Variants in FBXO5 observed in about 807,000 individuals in gnomAD.
FBXO5 encodes the protein F-box protein 5, also known as F-box only protein 5.
A neutral mutation model predicts 43.3 loss-of-function variants in FBXO5; 8 were observed. The ratio of observed to expected loss-of-function variants is 0.18; its 90% CI spans 0.11 to 0.33. FBXO5 has a LOEUF of 0.33. FBXO5 is among the 10% of genes least tolerant of loss of function. The pLI is 1.00. For synonymous variants in FBXO5, 204 were observed against 193.7 expected, an observed-to-expected ratio of 1.05 and a Z score of -0.44; for missense variants, 491 against 535.7, an observed-to-expected ratio of 0.92 and a Z score of 0.82.
At chr6:152,972,775 G>A in intron 3 of FBXO5, 2 of 490,698 alleles carry the variant, frequency 4.1e-6, no homozygotes, top group Admixed American at 3.4e-5. Flanking sequence ...CACACAACTG[G>A]CAACTAAGAT....
intron 1 of FBXO5, 115 bp downstream of exon 1, chr6:152,982,742 G>A (rs1778282443): frequency 3.0e-6 from 2 of 673,670 alleles, no homozygotes; most frequent in Non-Finnish European, 4.5e-6. Context: ...CGGGCGTGTG[G>A]CATGGCCGCG....
At chr6:152,979,838 G>A (rs1247946120) in intron 1 of FBXO5, among the ~76,000 whole-genome samples, 3 of 152,122 alleles carry the variant, frequency 2.0e-5, no homozygotes, top group East Asian at 1.9e-4. Context: ...ACTACAAGAT[G>A]CTCTAAGTGC....
At chr6:152,973,219 G>A (rs939988184) in intron 2 of FBXO5, 83 bp from the exon 3 acceptor site, 3 of 1,076,126 alleles carry the variant, frequency 2.8e-6, no homozygotes, top group African/African-American at 3.2e-5. Context: ...CATCAGCAGT[G>A]CAAAAAGATA....
Position 152,971,476 on chromosome 6 carries a change from T to TA in FBXO5, c.1093-63dup. The TA allele has an allele frequency of 2.6e-6, 4 of 1,521,068 alleles. No individual in the cohort carries two copies. In the South Asian group the frequency reaches 5.2e-5, roughly 20 times the overall value. The allele number at this position is 1,521,068 out of a possible 1,614,324, so 94.2% of individuals were successfully genotyped here. On this transcript the variant is annotated intron_variant, in intron 4 of 4. Coordinates refer to ENST00000229758, the MANE Select transcript of FBXO5 (RefSeq NM_012177.5). Reference sequence around the variant, plus strand: ...CAAGAATTACATGTACTTTAGTTAATAAAACCAAGGACACCCTTGCACCTT... The same window carrying TA: ...CAAGAATTACATGTACTTTAGTTAATAAAAACCAAGGACACCCTTGCACCTT...
In FBXO5 at chr6:152,974,895, A is replaced by C. The variant is rs780836670; in HGVS notation, c.818+12T>G. On this transcript the variant is annotated intron_variant, in intron 2 of 4. Transcript: ENST00000229758. ...GTATTATGCTAATATGTATATTCAAAACAGTACTTACTTGATTAAGTCCAT... is the reference window on the plus strand; with the variant it reads ...GTATTATGCTAATATGTATATTCAACACAGTACTTACTTGATTAAGTCCAT... 1 of 1,564,738 alleles carries C rather than the reference A, an allele frequency of 6.4e-7. No individual in the cohort carries two copies.
chr6:152,980,665 G>T (rs1778246681), intron 1 of FBXO5, among the ~76,000 whole-genome samples: 1 of 152,196 alleles, frequency 6.6e-6, no homozygotes. Context: ...AAGGATTGTA[G>T]TGGAAATGAA....
At position 152,970,917 on chromosome 6, in the gene FBXO5, T is replaced by C. The variant is rs1167362893; in HGVS notation, c.*246A>G. ...TTTACCCTCAGTATCACTATCTACTTTTCCTTTTTTCTTAAAATATTTAAA... is the reference window on the plus strand; with the variant it reads ...TTTACCCTCAGTATCACTATCTACTCTTCCTTTTTTCTTAAAATATTTAAA... On this transcript the variant is annotated 3_prime_UTR_variant, in exon 5 of 5. Coordinates refer to ENST00000229758, the MANE Select transcript of FBXO5 (RefSeq NM_012177.5). 2 of 341,012 alleles carry C rather than the reference T, an allele frequency of 5.9e-6. No homozygotes were observed. 21.1% of individuals were successfully genotyped at this position (341,012 alleles called of 1,614,324 possible). A position where few individuals can be genotyped will look rare whatever the true frequency, so the allele number is the denominator to read the frequency against.
chr6:152,978,418 AACTCT>A (rs1356497387), intron 1 of FBXO5, among the ~76,000 whole-genome samples: 80 of 140,970 alleles, frequency 5.7e-4, no homozygotes, highest in African/African-American at 1.7e-3. Context: ...GACCTCATCA[AACTCT>A]ACTCTAAAGC....
At chr6:152,974,084 A>T (rs1778126271) in intron 2 of FBXO5, 2 of 152,102 alleles carry the variant, frequency 1.3e-5, no homozygotes, top group African/African-American at 4.8e-5. Context: ...TGAGAAAGAA[A>T]TGGTGGTTAG....
chr6:152,982,953 G>T lies in FBXO5; in HGVS notation c.7C>A (p.Arg3=). 1 of 1,411,708 alleles carries T rather than the reference G, an allele frequency of 7.1e-7. No individual in the cohort carries two copies. Among genetic ancestry groups the T allele is most frequent in the Non-Finnish European group, 9.2e-7 (1 of 1,091,804 alleles). 87.4% of individuals were successfully genotyped at this position (1,411,708 alleles called of 1,614,324 possible). Residue 3 remains arginine, a synonymous_variant, in exon 1 of 5, where the codon CGG becomes AGG. Transcript: ENST00000229758. ...CGTAGGGCGCAGCTGCAGGGGCGCCGGCTCATGCCAGCCGACGTGGAGTCT... is the reference window on the plus strand; with the variant it reads ...CGTAGGGCGCAGCTGCAGGGGCGCCTGCTCATGCCAGCCGACGTGGAGTCT... MS[R]RPCSCALRPP...
chr6:152,981,629 G>C (rs1477876365), intron 1 of FBXO5, among the ~76,000 whole-genome samples: 5 of 151,086 alleles, frequency 3.3e-5, no homozygotes, highest in African/African-American at 1.2e-4. Flanking sequence ...TGAGGAGCAA[G>C]GTAGTAAAGA....
chr6:152,974,962 G>A lies in FBXO5; in HGVS notation c.763C>T (p.Leu255Phe), dbSNP rs1246880781. 1 of 1,613,066 alleles carries A rather than the reference G, an allele frequency of 6.2e-7. No individual in the cohort carries two copies. Among genetic ancestry groups the A allele is most frequent in the East Asian group, 2.2e-5 (1 of 44,882 alleles). Reference sequence around the variant, plus strand: ...AAAATAGTTGCTAAGACATGTCTGAGTCCCCTTCGAAAGAGTTCGCTGAGA... The same window carrying A: ...AAAATAGTTGCTAAGACATGTCTGAATCCCCTTCGAAAGAGTTCGCTGAGA... Reference protein sequence around the residue: ...DILSELFRRGLRHVLATILAQ... With the variant: ...DILSELFRRGFRHVLATILAQ... The change falls in exon 2 of 5, where the codon CTC becomes TTC. Residue 255 changes from leucine (L) to phenylalanine (F), a missense_variant. Physicochemically the swap from Leu to Phe is conservative, Grantham distance 22. Coordinates refer to ENST00000229758, the MANE Select transcript of FBXO5 (RefSeq NM_012177.5).
At chr6:152,982,772 G>A (rs751648258) in intron 1 of FBXO5, 85 bp downstream of exon 1, 306 of 946,564 alleles carry the variant, frequency 3.2e-4, no homozygotes, top group Non-Finnish European at 4.1e-4. Flanking sequence ...TCCGAGGGAC[G>A]TCGGGTCAGG....
At chr6:152,981,019 T>C (rs1476478710) in intron 1 of FBXO5, among the ~76,000 whole-genome samples, 1 of 152,206 alleles carries the variant, frequency 6.6e-6, no homozygotes, top group Non-Finnish European at 1.5e-5. Flanking sequence ...CATTTGAAAG[T>C]AGTAAAACAC....
At chr6:152,976,267 T>C (rs1778167715) in intron 1 of FBXO5, among the ~76,000 whole-genome samples, 1 of 152,202 alleles carries the variant, frequency 6.6e-6, no homozygotes, top group African/African-American at 2.4e-5. Flanking sequence ...AAGAAATCTA[T>C]AGGTAGCTTG....
chr6:152,975,341 A>C lies in FBXO5; in HGVS notation c.384T>G (p.Asn128Lys), dbSNP rs1357061091. The C allele has an allele frequency of 6.2e-7, 1 of 1,613,994 alleles. No individual in the cohort carries two copies. The highest frequency in any genetic ancestry group is 8.5e-7 in the Non-Finnish European group (1 of 1,180,010). Residue 128 changes from asparagine to lysine, a missense_variant, in exon 2 of 5, where the codon AAT becomes AAG. Coordinates refer to ENST00000229758, the MANE Select transcript of FBXO5 (RefSeq NM_012177.5). ...KENQHVQQTL[N>K]STNEIEALET... ...CTAGTGCTTCTATTTCATTTGTACTATTAAGTGTCTGTTGCACATGTTGAT... is the reference window on the plus strand; with the variant it reads ...CTAGTGCTTCTATTTCATTTGTACTCTTAAGTGTCTGTTGCACATGTTGAT...
Position 152,975,304 on chromosome 6 carries a change from G to C in FBXO5, c.421C>G (p.Leu141Val), listed in dbSNP as rs746133760. 7 of 1,614,036 alleles carry C rather than the reference G, an allele frequency of 4.3e-6. No individual in the cohort carries two copies. Among genetic ancestry groups the C allele is most frequent in the Non-Finnish European group, 5.9e-6 (7 of 1,180,030 alleles). Residue 141 changes from leucine (L) to valine (V), a missense_variant, in exon 2 of 5, where the codon CTT becomes GTT. Transcript: ENST00000229758. ...GAGGAATAGCCACTGTCTTCATAAA[G>C]TCTACTGGTCTCTAGTGCTTCTATT... ...NEIEALETSR[L>V]YEDSGYSSFS...
At chr6:152,974,262 G>A (rs1339700203) in intron 2 of FBXO5, among the ~76,000 whole-genome samples, 1 of 150,878 alleles carries the variant, frequency 6.6e-6, no homozygotes, top group East Asian at 1.9e-4. Flanking sequence ...TTTCATCACT[G>A]TCAAATCTAG....
In FBXO5 at chr6:152,975,256, T is replaced by G. The variant is rs770948682; in HGVS notation, c.469A>C (p.Ser157Arg). The change falls in exon 2 of 5, where the codon AGT (serine) becomes CGT (arginine). Residue 157 changes from serine (S) to arginine (R), a missense_variant. Coordinates refer to ENST00000229758, the MANE Select transcript of FBXO5 (RefSeq NM_012177.5). ...YSSFSLQSGL[S>R]EHEEGSLLEE... The stretch of plus-strand genomic sequence containing the variant: ...AGGAGGCTACCTTCTTCATGTTCAC[T>G]GAGGCCACTTTGTAGAGAAAATGAG... 1 of 1,614,178 alleles carries G rather than the reference T, an allele frequency of 6.2e-7. No individual in the cohort carries two copies. Among genetic ancestry groups the G allele is most frequent in the Middle Eastern group, 1.6e-4 (1 of 6,062 alleles).
Sources: gnomAD v4.1 joint callset for allele counts (sites outside exome capture counted in the v4.1 genomes callset) on GRCh38, gnomAD v4.1.1 for gene constraint, MANE v1.5 for transcripts, NCBI Gene and HGNC (gene_info 2026-07-23, HGNC 2026-07-21) for gene names.